CELF1: variants seen among roughly 807,000 people sequenced by gnomAD.
CELF1 encodes the protein 50 kDa nuclear polyadenylated RNA-binding protein.
Under a neutral mutation model 61.8 loss-of-function variants are expected in CELF1, and 10 were observed. The observed-to-expected ratio is 0.16, with a 90% CI of 0.10 to 0.27. CELF1 has a LOEUF of 0.27. CELF1 is among the 10% of genes least tolerant of loss of function. CELF1 has a pLI of 1.00. For synonymous variants in CELF1, 236 were observed against 225.1 expected (o/e 1.05, Z -0.43); for missense variants, 380 against 639.1 (o/e 0.59, Z 4.37).
At chr11:47,524,831 C>T (rs1335567533) in intron 1 of CELF1, 1 of 152,182 alleles carries the variant, frequency 6.6e-6, no homozygotes, top group Non-Finnish European at 1.5e-5. Context: ...TTAGTGAAAG[C>T]CCAATTATCT....
intron 9 of CELF1, among the ~76,000 whole-genome samples, chr11:47,480,872 C>A (rs2082604468): frequency 6.6e-6 from 1 of 152,042 alleles, no homozygotes; most frequent in African/African-American, 2.4e-5. Context: ...CCTGTCTCTA[C>A]TAAAACTACA....
In CELF1 at chr11:47,469,548, C is replaced by T. The variant is rs1201288913; in HGVS notation, c.*2682G>A. Reference sequence around the variant, plus strand: ...CCACTCTGAGCTGAGCCCTTTCACACGTGAGACTTGTAGGGGAGCAGCTTC... The same window carrying T: ...CCACTCTGAGCTGAGCCCTTTCACATGTGAGACTTGTAGGGGAGCAGCTTC... On this transcript the variant is annotated 3_prime_UTR_variant, in exon 15 of 15. Coordinates refer to ENST00000687097, the MANE Select transcript of CELF1 (RefSeq NM_001376376.1). 3 of 152,320 alleles carry T rather than the reference C, an allele frequency of 2.0e-5. No homozygotes were observed. Among genetic ancestry groups the T allele is most frequent in the East Asian group, 1.9e-4 (1 of 5,202 alleles). The allele number at this position is 152,320 out of a possible 1,614,324, so 9.4% of individuals were successfully genotyped here. A position where few individuals can be genotyped will look rare whatever the true frequency, so the allele number is the denominator to read the frequency against.
At chr11:47,559,482 C>G (rs2097219187) in intron 2 of CELF1, among the ~76,000 whole-genome samples, 1 of 151,528 alleles carries the variant, frequency 6.6e-6, no homozygotes, top group African/African-American at 2.4e-5. Context: ...CTCAGCCTCC[C>G]AAGTAGCTGG....
chr11:47,542,121 G>A (rs1213527784), intron 1 of CELF1, among the ~76,000 whole-genome samples: 1 of 152,196 alleles, frequency 6.6e-6, no homozygotes, highest in Non-Finnish European at 1.5e-5. Flanking sequence ...TGTAATTTCA[G>A]CACTTCGGGA....
intron 3 of CELF1, among the ~76,000 whole-genome samples, chr11:47,498,585 A>AT (rs1481705919): frequency 6.6e-6 from 1 of 152,218 alleles, no homozygotes; most frequent in African/African-American, 2.4e-5. Flanking sequence ...ATATTCTACC[A>AT]TTTAATATTC....
At chr11:47,512,868 G>A (rs1183555452) in intron 1 of CELF1, among the ~76,000 whole-genome samples, 1 of 152,106 alleles carries the variant, frequency 6.6e-6, no homozygotes, top group Non-Finnish European at 1.5e-5. Flanking sequence ...GGATCAAGCG[G>A]GAAGCAGACC....
intron 1 of CELF1, among the ~76,000 whole-genome samples, chr11:47,546,670 G>A (rs1336069075): frequency 6.6e-6 from 1 of 152,080 alleles, no homozygotes; most frequent in Non-Finnish European, 1.5e-5. Context: ...CTAGAAATTG[G>A]TCCACCTAAG....
At chr11:47,489,119 G>C (rs565452731) in intron 3 of CELF1, 95 bp from the exon 4 acceptor site, 1 of 1,064,634 alleles carries the variant, frequency 9.4e-7, no homozygotes, top group Admixed American at 3.8e-5. Context: ...TTCTGAGAAC[G>C]TAAGGGAAAA....
Position 47,475,481 on chromosome 11 carries a change from A to T in CELF1, c.1128T>A (p.Leu376=). 9.9e-6 allele frequency: 16 copies of T among 1,614,032 alleles called. No individual in the cohort carries two copies. The highest frequency in any genetic ancestry group is 1.3e-5 in the Non-Finnish European group (15 of 1,180,042). The change falls in exon 13 of 15, where the codon CTT becomes CTA. Residue 376 remains leucine, a synonymous_variant. Transcript: ENST00000687097. ...CCATGGTGCTCCCGGTGCCATTGGA[A>T]AGGCCACTGCTGCCCAGGCCACCAT... is the stretch of plus-strand genomic sequence containing the variant. ...ALNGGLGSSG[L]SNGTGSTMEA... is the part of the protein sequence containing the mutation.
chr11:47,488,343 C>T (rs375601145), intron 4 of CELF1, among the ~76,000 whole-genome samples: 1 of 152,322 alleles, frequency 6.6e-6, no homozygotes, highest in East Asian at 1.9e-4. Context: ...CTAAACAAAT[C>T]CTTTCTATTT....
intron 12 of CELF1, 51 bp downstream of exon 12, chr11:47,476,795 G>T: frequency 7.1e-7 from 1 of 1,404,462 alleles, no homozygotes; most frequent in Non-Finnish European, 1.0e-6. Flanking sequence ...GGGTTAAGAT[G>T]TGCTACCTGC....
chr11:47,487,607 T>A (rs1471761022), intron 4 of CELF1, among the ~76,000 whole-genome samples: 1 of 152,216 alleles, frequency 6.6e-6, no homozygotes, highest in African/African-American at 2.4e-5. Flanking sequence ...GGCTCTATAC[T>A]TTTGCAGCCT....
In CELF1 at chr11:47,482,830, T is replaced by C; in HGVS notation, c.633A>G (p.Lys211=). ...CTTTGTCCTTCTGTGTATCAGCAAA[T>C]TTTACCACCATGGGTGATGAGCAAC... is the stretch of plus-strand genomic sequence containing the variant. ...MEGCSSPMVV[K]FADTQKDKEQ... is the part of the protein sequence containing the mutation. Residue 211 remains lysine, a synonymous_variant, in exon 9 of 15, where the codon AAA becomes AAG. Coordinates refer to ENST00000687097, the MANE Select transcript of CELF1 (RefSeq NM_001376376.1). 1 of 1,614,022 alleles carries C rather than the reference T, an allele frequency of 6.2e-7. No homozygotes were observed. The highest frequency in any genetic ancestry group is 1.3e-5 in the African/African-American group (1 of 74,976).
chr11:47,553,259 A>T (rs1049496825), upstream of CELF1: 35 of 379,010 alleles, frequency 9.2e-5, no homozygotes, highest in Non-Finnish European at 1.4e-4. Context: ...AGCGCGGCGT[A>T]GGGGCGGGCC....
rs2093741710 is a variant in CELF1, at chr11:47,500,339, C to CA, written c.-82+521dup. Among the ~76,000 whole-genome samples, 10 of 152,244 alleles carry CA rather than the reference C, an allele frequency of 6.6e-5. No individual in the cohort carries two copies. In the South Asian group the frequency reaches 2.1e-3, roughly 32 times the overall value. ...TGAAAGACTTCAAAAATCCTTTGTT[C>CA]AGTAACACTCATTAGATGGCACAGG... is the stretch of plus-strand genomic sequence containing the variant. On this transcript the variant is annotated intron_variant, in intron 2 of 14. Transcript: ENST00000687097.
chr11:47,533,338 T>C (rs1470623482), intron 1 of CELF1, among the ~76,000 whole-genome samples: 1 of 152,030 alleles, frequency 6.6e-6, no homozygotes, highest in Non-Finnish European at 1.5e-5. Context: ...AATACAAAAA[T>C]TGGCCGGGTA....
At chr11:47,472,429 G>GA (rs1190970187) in intron 14 of CELF1, 72 bp from the exon 15 acceptor site, 12 of 1,518,126 alleles carry the variant, frequency 7.9e-6, no homozygotes, top group Middle Eastern at 1.7e-4. Flanking sequence ...CCTTATGCAA[G>GA]ATACCTTATG....
chr11:47,536,625 C>T lies in CELF1; in HGVS notation c.-154+16367G>A, dbSNP rs193221828. ...AAAAAAAATACAAAAATTACCTGGG[C>T]GTGGTGGTGCACACCTGTAATCCCA... On this transcript the variant is annotated intron_variant, in intron 1 of 14. Coordinates refer to ENST00000687097, the MANE Select transcript of CELF1 (RefSeq NM_001376376.1). Among the ~76,000 whole-genome samples the T allele has an allele frequency of 7.9e-5, 12 of 152,092 alleles. No individual in the cohort carries two copies. The East Asian group carries it at 1.2e-3, about 15-fold the overall frequency.
At chr11:47,476,310 TC>T (rs966697518) in intron 12 of CELF1, among the ~76,000 whole-genome samples, 24 of 152,210 alleles carry the variant, frequency 1.6e-4, no homozygotes, top group African/African-American at 5.5e-4. Context: ...TTTTTAACAA[TC>T]CTTCAAAGTA....
Sources: gnomAD v4.1 joint callset for allele counts (sites outside exome capture counted in the v4.1 genomes callset) on GRCh38, gnomAD v4.1.1 for gene constraint, MANE v1.5 for transcripts, NCBI Gene and HGNC (gene_info 2026-07-23, HGNC 2026-07-21) for gene names.